WDR41: variants seen among roughly 807,000 people sequenced by gnomAD.
WDR41 encodes the protein WD repeat-containing protein 41.
A neutral mutation model predicts 69.3 loss-of-function variants in WDR41; 63 were observed. The observed-to-expected ratio is 0.91, with a 90% CI of 0.74 to 1.12. The LOEUF is 1.12. Ranked by LOEUF, WDR41 falls within the 50% of genes most tolerant of loss-of-function variation. The pLI is 0.00. For missense variants in WDR41, 543 were observed against 534.5 expected, an observed-to-expected ratio of 1.02 and a Z score of -0.16; for synonymous variants, 185 against 192.1, an observed-to-expected ratio of 0.96 and a Z score of 0.31.
chr5:77,608,780 C>T (rs1580050435), intron 1 of WDR41, among the ~76,000 whole-genome samples: 1 of 152,216 alleles, frequency 6.6e-6, no homozygotes, highest in Non-Finnish European at 1.5e-5. Context: ...GTTCATCTCA[C>T]TAGGGAGTGC....
chr5:77,557,187 G>T (rs1417823949), intron 1 of WDR41, among the ~76,000 whole-genome samples: 1 of 152,058 alleles, frequency 6.6e-6, no homozygotes, highest in African/African-American at 2.4e-5. Context: ...ACTAGACATA[G>T]CACAGAAAGT....
chr5:77,512,460 C>T (rs1394694294), intron 1 of WDR41, among the ~76,000 whole-genome samples: 4 of 150,362 alleles, frequency 2.7e-5, no homozygotes, highest in South Asian at 2.1e-4. Context: ...ACATAAAATT[C>T]GTCAGGCGGG....
chr5:77,466,142 G>A (rs1561747054), intron 2 of WDR41, among the ~76,000 whole-genome samples: 1 of 151,554 alleles, frequency 6.6e-6, no homozygotes, highest in East Asian at 2.0e-4. Context: ...GTTAAATTTA[G>A]GTAACTAGCT....
chr5:77,438,001 C>A (rs903799070), intron 10 of WDR41, among the ~76,000 whole-genome samples: 2 of 151,820 alleles, frequency 1.3e-5, no homozygotes, highest in African/African-American at 4.8e-5. Context: ...AATTTTAAAT[C>A]ATCTCTTCTT....
At chr5:77,464,131 G>A (rs1242181153) in intron 3 of WDR41, among the ~76,000 whole-genome samples, 3 of 152,028 alleles carry the variant, frequency 2.0e-5, no homozygotes, top group African/African-American at 7.2e-5. Flanking sequence ...GAAAACTTGT[G>A]TGTCTCACAA....
chr5:77,554,818 G>A (rs1245796604), intron 1 of WDR41, among the ~76,000 whole-genome samples: 1 of 151,962 alleles, frequency 6.6e-6, no homozygotes, highest in Non-Finnish European at 1.5e-5. Flanking sequence ...AATCTACATA[G>A]CTGATAAAAG....
chr5:77,599,361 T>C (rs975445076), intron 1 of WDR41, among the ~76,000 whole-genome samples: 2 of 151,922 alleles, frequency 1.3e-5, no homozygotes, highest in African/African-American at 4.8e-5. Context: ...CCACCAAGCC[T>C]GGCTAATTTT....
intron 2 of WDR41, among the ~76,000 whole-genome samples, chr5:77,479,150 C>G (rs1402419831): frequency 2.0e-5 from 3 of 151,940 alleles, no homozygotes; most frequent in Admixed American, 6.6e-5. Flanking sequence ...GAACTACAAA[C>G]CACTGCTCAA....
chr5:77,613,280 A>G (rs1213465355), intron 1 of WDR41, among the ~76,000 whole-genome samples: 16 of 152,294 alleles, frequency 1.1e-4, no homozygotes, highest in Admixed American at 8.5e-4. Context: ...TCTTCACAGA[A>G]TTGGAAAAAA....
chr5:77,441,580 A>C (rs1799169447), intron 8 of WDR41, among the ~76,000 whole-genome samples: 2 of 152,118 alleles, frequency 1.3e-5, no homozygotes, highest in South Asian at 4.1e-4. Context: ...CTCTACTAAA[A>C]ATACAAAAAT....
chr5:77,558,094 T>TTAAAAAAAAAAAA (rs1554036365), intron 1 of WDR41, among the ~76,000 whole-genome samples: 12 of 104,276 alleles, frequency 1.2e-4, no homozygotes, highest in African/African-American at 4.3e-4. Context: ...ATGTTCTTTT[T>TTAAAAAAAAAAAA]AAAAAAAAAA....
chr5:77,562,666 T>C (rs1229136666), intron 1 of WDR41, among the ~76,000 whole-genome samples: 4 of 152,206 alleles, frequency 2.6e-5, no homozygotes, highest in Non-Finnish European at 5.9e-5. Flanking sequence ...ATATAACATC[T>C]TGGCCTATGC....
chr5:77,590,232 T>A (rs1387719663), intron 1 of WDR41, among the ~76,000 whole-genome samples: 1 of 152,252 alleles, frequency 6.6e-6, no homozygotes, highest in Non-Finnish European at 1.5e-5. Flanking sequence ...GATTTGCTAA[T>A]ATTTTAATTC....
rs577879042 is a variant in WDR41, at chr5:77,431,161, G to A, written c.*1974C>T. On this transcript the variant is annotated 3_prime_UTR_variant, in exon 13 of 13. Transcript: ENST00000296679. ...AAAGAAGTTCTACTGTGGGTAAAAT[G>A]CTATTAAATAGTATTACATGTTACA... 1.3e-5 allele frequency: 2 copies of A among 152,302 alleles called. No homozygotes were observed. Among genetic ancestry groups the A allele is most frequent in the East Asian group, 3.9e-4 (2 of 5,188 alleles). 9.4% of individuals were successfully genotyped at this position (152,302 alleles called of 1,614,324 possible).
intron 1 of WDR41, chr5:77,582,444 G>A: frequency 1.2e-6 from 2 of 1,605,460 alleles, no homozygotes; most frequent in South Asian, 1.1e-5. Context: ...AAAAGCGAAG[G>A]AATTTCGTAG....
chr5:77,601,936 A>G (rs532803512), intron 1 of WDR41, among the ~76,000 whole-genome samples: 23 of 152,332 alleles, frequency 1.5e-4, no homozygotes, highest in Admixed American at 3.3e-4. Context: ...CATTAGCTCA[A>G]GTATTTACCA....
At chr5:77,494,961 CCACAA>C (rs1475311866), upstream of WDR41, among the ~76,000 whole-genome samples, 5 of 152,084 alleles carry the variant, frequency 3.3e-5, no homozygotes, top group Non-Finnish European at 7.4e-5. Flanking sequence ...TCTTCTCTGA[CCACAA>C]CAGGAATCAG....
intron 1 of WDR41, among the ~76,000 whole-genome samples, chr5:77,507,451 G>A (rs1431352800): frequency 3.3e-5 from 5 of 151,948 alleles, no homozygotes; most frequent in Middle Eastern, 3.4e-3. Flanking sequence ...TTGTTGTCTC[G>A]TGTCATCATT....
chr5:77,582,273 C>A, intron 1 of WDR41: 1 of 1,103,350 alleles, frequency 9.1e-7, no homozygotes, highest in Non-Finnish European at 1.3e-6. Context: ...CACAAATTAC[C>A]AACTCTGGCT....
Sources: allele counts gnomAD v4.1 joint callset (sites outside exome capture counted in the v4.1 genomes callset), GRCh38; gene constraint gnomAD v4.1.1; transcripts MANE v1.5; gene names NCBI Gene and HGNC (gene_info 2026-07-23, HGNC 2026-07-21).